Variants in UIMC1 observed in about 807,000 individuals in gnomAD.
UIMC1 encodes BRCA1-A complex subunit RAP80.
UIMC1 carries 42 observed loss-of-function variants against 84.9 expected under a neutral mutation model. That is an observed-to-expected ratio of 0.49 (90% CI 0.39 to 0.64). The LOEUF (loss-of-function observed/expected upper bound fraction) is 0.64, where lower values mean the gene tolerates loss of function less well. UIMC1 is among the 30% of genes least tolerant of loss of function. The probability of loss-of-function intolerance (pLI) is 0.00; values close to 1 mark genes in which losing one functional copy is unlikely to be tolerated. For missense variants in UIMC1, 825 were observed against 847.6 expected (o/e 0.97, Z 0.33); for synonymous variants, 281 against 293.0 (o/e 0.96, Z 0.42).
At chr5:176,943,087 A>G (rs867043341) in intron 10 of UIMC1, among the ~76,000 whole-genome samples, 2 of 152,132 alleles carry the variant, frequency 1.3e-5, no homozygotes, top group Non-Finnish European at 2.9e-5. Context: ...CAAACAAACA[A>G]AAACATTAAA....
At chr5:177,000,278 C>T (rs1774253477) in intron 1 of UIMC1, among the ~76,000 whole-genome samples, 1 of 151,920 alleles carries the variant, frequency 6.6e-6, no homozygotes, top group Non-Finnish European at 1.5e-5. Flanking sequence ...TGAGGAAACG[C>T]CAAACTGTTC....
At chr5:176,968,413 C>T (rs1027409517) in intron 6 of UIMC1, 142 bp downstream of exon 6, 1 of 1,215,524 alleles carries the variant, frequency 8.2e-7, no homozygotes. Context: ...TTTATACTCT[C>T]CTGTACTTTC....
At chr5:176,926,209 G>C (rs934084201) in intron 10 of UIMC1, among the ~76,000 whole-genome samples, 1 of 152,032 alleles carries the variant, frequency 6.6e-6, no homozygotes, top group Non-Finnish European at 1.5e-5. Flanking sequence ...CCAAAAAAGA[G>C]ATACAAAGGA....
intron 1 of UIMC1, among the ~76,000 whole-genome samples, chr5:177,018,880 A>T (rs1045593586): frequency 4.6e-5 from 7 of 152,220 alleles, no homozygotes; most frequent in African/African-American, 1.7e-4. Flanking sequence ...ATGCAAAGCA[A>T]CTTATATACT....
chr5:176,973,668 C>G (rs555408040), intron 3 of UIMC1, among the ~76,000 whole-genome samples: 2 of 152,058 alleles, frequency 1.3e-5, no homozygotes, highest in Admixed American at 6.5e-5. Flanking sequence ...ACTCAGGAGG[C>G]AGAGGTGGGA....
intron 7 of UIMC1, among the ~76,000 whole-genome samples, chr5:176,956,626 T>C (rs1324128967): frequency 6.6e-6 from 1 of 152,162 alleles, no homozygotes; most frequent in Non-Finnish European, 1.5e-5. Flanking sequence ...TCCAACCTTC[T>C]GGTTTTCCCT....
intron 10 of UIMC1, among the ~76,000 whole-genome samples, chr5:176,938,800 G>T (rs1764045557): frequency 6.6e-6 from 1 of 152,124 alleles, no homozygotes; most frequent in African/African-American, 2.4e-5. Context: ...CCCATTGTCA[G>T]GGACATTTAC....
intron 10 of UIMC1, among the ~76,000 whole-genome samples, chr5:176,934,933 T>C (rs142806007): frequency 2.6e-5 from 4 of 152,338 alleles, no homozygotes; most frequent in Non-Finnish European, 5.9e-5. Flanking sequence ...TTATCTGAGC[T>C]CCCAGATCCA....
intron 1 of UIMC1, among the ~76,000 whole-genome samples, chr5:177,002,505 A>T (rs1013028154): frequency 2.4e-4 from 36 of 152,266 alleles, no homozygotes; most frequent in African/African-American, 8.4e-4. Flanking sequence ...AAAAGTTTTT[A>T]AAAATAATAA....
At chr5:177,004,157 TACCA>T (rs1200362575) in intron 1 of UIMC1, among the ~76,000 whole-genome samples, 2 of 152,166 alleles carry the variant, frequency 1.3e-5, no homozygotes, top group Admixed American at 1.3e-4. Context: ...AACAAAGCTA[TACCA>T]CAAAATATGT....
chr5:176,926,947 C>T (rs1762443992), intron 10 of UIMC1, among the ~76,000 whole-genome samples: 2 of 152,112 alleles, frequency 1.3e-5, no homozygotes, highest in Admixed American at 1.3e-4. Context: ...AGTTACTTCT[C>T]CCTAAGGATG....
Position 176,979,698 on chromosome 5 carries a change from AATTTTT to A in UIMC1, c.147+2765_147+2770del, listed in dbSNP as rs111585818. Reference sequence around the variant, plus strand: ...GGTGGTAACTGCAAGTGTTCACATTAATTTTTAAAACCATGCATTTATATTTTATGC... The same window carrying A: ...GGTGGTAACTGCAAGTGTTCACATTAAAAACCATGCATTTATATTTTATGC... On this transcript the variant is annotated intron_variant, in intron 2 of 14. Coordinates refer to ENST00000511320, the MANE Select transcript of UIMC1 (RefSeq NM_001199298.2). 4.1e-3 allele frequency among the ~76,000 whole-genome samples: 623 copies of A among 152,286 alleles called. 6 individuals carry two copies. The highest frequency in any genetic ancestry group is 0.014 in the African/African-American group (579 of 41,570).
chr5:176,908,533 T>G lies in UIMC1; in HGVS notation c.1838A>C (p.Lys613Thr). 6.2e-7 allele frequency: 1 copy of G among 1,613,732 alleles called. No homozygotes were observed. Among genetic ancestry groups the G allele is most frequent in the Non-Finnish European group, 8.5e-7 (1 of 1,179,858 alleles). ...ACACTCTACACATACCTTTGGGTTC[T>G]TCAGCCTCTGCTGCCACTTCCCCTC... is the stretch of plus-strand genomic sequence containing the variant. ...TVEGKWQQRL[K>T]NPKEKGHSEG... Residue 613 changes from lysine to threonine, a missense_variant, in exon 12 of 15, where the codon AAG becomes ACG. Lys to Thr is a moderately conservative substitution (Grantham distance 78). Transcript: ENST00000511320.
intron 3 of UIMC1, among the ~76,000 whole-genome samples, chr5:176,972,928 T>C (rs1336210589): frequency 6.6e-6 from 1 of 151,708 alleles, no homozygotes; most frequent in African/African-American, 2.4e-5. Context: ...CTTTTTTTTT[T>C]TTTTTGAAAT....
chr5:176,989,733 G>A (rs1208726157), intron 1 of UIMC1, among the ~76,000 whole-genome samples: 2 of 152,064 alleles, frequency 1.3e-5, no homozygotes, highest in African/African-American at 4.8e-5. Context: ...ATGCAATGCA[G>A]AGGTAGCTAG....
chr5:177,014,306 G>A (rs920276154), intron 1 of UIMC1, among the ~76,000 whole-genome samples: 2 of 151,458 alleles, frequency 1.3e-5, no homozygotes, highest in African/African-American at 2.4e-5. Flanking sequence ...CACCTACCTC[G>A]GCCTCCCAAA....
At chr5:176,994,804 T>C (rs1773359311) in intron 1 of UIMC1, among the ~76,000 whole-genome samples, 1 of 152,138 alleles carries the variant, frequency 6.6e-6, no homozygotes, top group Non-Finnish European at 1.5e-5. Flanking sequence ...GTTAATTAAA[T>C]TGCGACAGGT....
At chr5:177,010,045 GA>G (rs886899414), upstream of UIMC1, among the ~76,000 whole-genome samples, 33 of 148,858 alleles carry the variant, frequency 2.2e-4, 1 homozygote, top group South Asian at 1.9e-3. Flanking sequence ...CGTGTGGCCA[GA>G]AAAAAAAAAT....
chr5:176,928,511 T>C (rs1415674997), intron 10 of UIMC1, among the ~76,000 whole-genome samples: 1 of 152,180 alleles, frequency 6.6e-6, no homozygotes, highest in Non-Finnish European at 1.5e-5. Context: ...GACTCTTCTG[T>C]AAATTAAAAG....
Sources: gnomAD v4.1 joint callset for allele counts (sites outside exome capture counted in the v4.1 genomes callset) on GRCh38, gnomAD v4.1.1 for gene constraint, MANE v1.5 for transcripts, NCBI Gene and HGNC (gene_info 2026-07-23, HGNC 2026-07-21) for gene names.